Variants in FOXJ3 observed in about 807,000 individuals in gnomAD.
The protein encoded by FOXJ3 is forkhead box protein J3.
Under a neutral mutation model 76.1 loss-of-function variants are expected in FOXJ3, and 22 were observed. The ratio of observed to expected loss-of-function variants is 0.29; its 90% CI spans 0.21 to 0.41. The LOEUF (loss-of-function observed/expected upper bound fraction) is 0.41. Ranked by LOEUF, FOXJ3 falls within the 10% of genes least tolerant of loss-of-function variation. The pLI, the probability that FOXJ3 is intolerant of heterozygous loss-of-function variation, is 1.00. For missense variants in FOXJ3, 613 were observed against 762.1 expected (o/e 0.80, Z 2.30); for synonymous variants, 269 against 261.2 (o/e 1.03, Z -0.29).
chr1:42,266,929 T>C (rs1003366049), intron 3 of FOXJ3, among the ~76,000 whole-genome samples: 8 of 152,078 alleles, frequency 5.3e-5, no homozygotes, highest in Non-Finnish European at 1.2e-4. Flanking sequence ...ACCCAGTACA[T>C]AGGCAAAGAT....
intron 4 of FOXJ3, among the ~76,000 whole-genome samples, chr1:42,230,543 G>A (rs1260626236): frequency 6.6e-6 from 1 of 152,058 alleles, no homozygotes; most frequent in Non-Finnish European, 1.5e-5. Flanking sequence ...GTAATTTTTT[G>A]TAATAATTTT....
At chr1:42,292,700 G>C (rs1653519910) in intron 2 of FOXJ3, among the ~76,000 whole-genome samples, 1 of 152,204 alleles carries the variant, frequency 6.6e-6, no homozygotes, top group Admixed American at 6.5e-5. Context: ...GGAATGACGG[G>C]TATGTTCACC....
At chr1:42,291,287 C>G (rs1653422143) in intron 2 of FOXJ3, among the ~76,000 whole-genome samples, 1 of 152,146 alleles carries the variant, frequency 6.6e-6, no homozygotes, top group East Asian at 1.9e-4. Context: ...AAAGCTAAAT[C>G]TATAAAACCT....
chr1:42,248,756 T>A (rs1030441714), intron 4 of FOXJ3, among the ~76,000 whole-genome samples: 4 of 94,824 alleles, frequency 4.2e-5, no homozygotes, highest in Non-Finnish European at 6.6e-5. Context: ...TTTTTTTTTT[T>A]AAGTTCCAGG....
chr1:42,265,242 C>A, intron 3 of FOXJ3, 53 bp from the exon 4 acceptor site: 1 of 927,812 alleles, frequency 1.1e-6, no homozygotes, highest in South Asian at 1.6e-5. Flanking sequence ...AAAACATAAC[C>A]CAAATTTAAA....
intron 5 of FOXJ3, among the ~76,000 whole-genome samples, chr1:42,226,866 G>C (rs1162637403): frequency 6.6e-6 from 1 of 152,134 alleles, no homozygotes; most frequent in Admixed American, 6.5e-5. Flanking sequence ...TATCTTTGAG[G>C]CTCAAAAGTT....
chr1:42,269,071 C>A (rs1009709013), intron 3 of FOXJ3, among the ~76,000 whole-genome samples: 1 of 152,062 alleles, frequency 6.6e-6, no homozygotes, highest in African/African-American at 2.4e-5. Flanking sequence ...GCCCCCCACT[C>A]TAGGTTTTTG....
At chr1:42,227,300 C>T (rs981836147) in intron 5 of FOXJ3, among the ~76,000 whole-genome samples, 1 of 152,182 alleles carries the variant, frequency 6.6e-6, no homozygotes, top group Non-Finnish European at 1.5e-5. Context: ...GGAAAGCTGA[C>T]GGCAGTCAAA....
intron 1 of FOXJ3, among the ~76,000 whole-genome samples, chr1:42,316,604 A>C (rs1336187210): frequency 6.6e-6 from 1 of 152,104 alleles, no homozygotes; most frequent in African/African-American, 2.4e-5. Flanking sequence ...ATTGACAGTT[A>C]CTGTGTGACC....
chr1:42,233,872 C>T (rs1387529334), intron 4 of FOXJ3, among the ~76,000 whole-genome samples: 1 of 150,188 alleles, frequency 6.7e-6, no homozygotes, highest in Non-Finnish European at 1.5e-5. Flanking sequence ...TGTCTTGTGC[C>T]AGTTTTCAAA....
intron 3 of FOXJ3, among the ~76,000 whole-genome samples, chr1:42,266,606 G>C (rs556365902): frequency 6.6e-6 from 1 of 152,044 alleles, no homozygotes; most frequent in Non-Finnish European, 1.5e-5. Flanking sequence ...CCCCAGACAC[G>C]AGAAGTTCCC....
At chr1:42,244,779 C>G (rs898607464) in intron 4 of FOXJ3, among the ~76,000 whole-genome samples, 10 of 151,822 alleles carry the variant, frequency 6.6e-5, no homozygotes, top group Non-Finnish European at 1.5e-4. Context: ...AACTGTAAAA[C>G]TGAGAGGAAA....
intron 4 of FOXJ3, among the ~76,000 whole-genome samples, chr1:42,246,459 G>A (rs1193399332): frequency 6.6e-6 from 1 of 152,010 alleles, no homozygotes; most frequent in Non-Finnish European, 1.5e-5. Flanking sequence ...TTAAGGAAAT[G>A]CAAATCAAAA....
intron 2 of FOXJ3, among the ~76,000 whole-genome samples, chr1:42,302,714 G>C (rs113052214): frequency 6.6e-6 from 1 of 152,122 alleles, no homozygotes; most frequent in Non-Finnish European, 1.5e-5. Context: ...CCTATGATAA[G>C]CTTATTATAT....
At chr1:42,210,532 G>A (rs1646947859) in intron 5 of FOXJ3, among the ~76,000 whole-genome samples, 1 of 152,172 alleles carries the variant, frequency 6.6e-6, no homozygotes, top group Admixed American at 6.5e-5. Context: ...TGAGGAAGGA[G>A]AAATTTTCTG....
At chr1:42,332,849 C>A (rs1656242599) in intron 1 of FOXJ3, among the ~76,000 whole-genome samples, 1 of 152,218 alleles carries the variant, frequency 6.6e-6, no homozygotes, top group Non-Finnish European at 1.5e-5. Flanking sequence ...AAATTTGTAT[C>A]TTTCTCAAAT....
rs1411704402 is a variant in FOXJ3 at position 42,178,376 on chromosome 1, GT to G, written c.*1333del. The G allele has an allele frequency of 1.3e-5, 2 of 152,196 alleles. No individual in the cohort carries two copies. The highest frequency in any genetic ancestry group is 6.5e-5 in the Admixed American group (1 of 15,282). 9.4% of individuals were successfully genotyped at this position (152,196 alleles called of 1,614,324 possible). On this transcript the variant is annotated 3_prime_UTR_variant, in exon 13 of 13. Coordinates refer to ENST00000361346, the MANE Select transcript of FOXJ3 (RefSeq NM_014947.5). ...CAGAAAAATCCGATTTAACTAATAA[GT>G]CTGAATCAGCAAGAATGCCAAGACA...
chr1:42,258,199 C>T (rs1278947990), intron 4 of FOXJ3, among the ~76,000 whole-genome samples: 1 of 152,178 alleles, frequency 6.6e-6, no homozygotes, highest in Non-Finnish European at 1.5e-5. Context: ...TGGCTTTATA[C>T]CATGCCTTCA....
chr1:42,214,981 G>C (rs1490369960), intron 5 of FOXJ3, among the ~76,000 whole-genome samples: 1 of 152,204 alleles, frequency 6.6e-6, no homozygotes, highest in Non-Finnish European at 1.5e-5. Context: ...AAAGCTTACA[G>C]TGTAACACAG....
Sources: gnomAD v4.1 joint callset for allele counts (sites outside exome capture counted in the v4.1 genomes callset) on GRCh38, gnomAD v4.1.1 for gene constraint, MANE v1.5 for transcripts, NCBI Gene and HGNC (gene_info 2026-07-23, HGNC 2026-07-21) for gene names.